RPS6KC1: variants seen among roughly 807,000 people sequenced by gnomAD.
RPS6KC1 encodes ribosomal protein S6 kinase C1, also known as inactive ribosomal protein S6 kinase delta-1.
RPS6KC1 carries 54 observed loss-of-function variants against 103.8 expected under a neutral mutation model. The ratio of observed to expected loss-of-function variants is 0.52; its 90% CI spans 0.42 to 0.65. The LOEUF is 0.65. Ranked by LOEUF, RPS6KC1 falls within the 30% of genes least tolerant of loss-of-function variation. RPS6KC1 has a pLI of 0.00. For missense variants in RPS6KC1, 1,151 were observed against 1,253.8 expected, an observed-to-expected ratio of 0.92 and a Z score of 1.24; for synonymous variants, 439 against 438.7, an observed-to-expected ratio of 1.00 and a Z score of -0.01.
chr1:213,500,692 A>G, the RPS6KC1 span, among the ~76,000 whole-genome samples: 1 of 152,078 alleles, frequency 6.6e-6, no homozygotes, highest in African/African-American at 2.4e-5. Flanking sequence ...GCTCCATCAT[A>G]CTCTTACAGG....
chr1:213,697,461 C>G, the RPS6KC1 span, among the ~76,000 whole-genome samples: 1 of 152,182 alleles, frequency 6.6e-6, no homozygotes, highest in Non-Finnish European at 1.5e-5. Context: ...GAAGAGAGGA[C>G]CAGAGAGGAA....
At chr1:213,174,595 G>C (rs142333682) in intron 7 of RPS6KC1, among the ~76,000 whole-genome samples, 1 of 150,976 alleles carries the variant, frequency 6.6e-6, no homozygotes, top group Admixed American at 6.6e-5. Context: ...GCTTGAACCC[G>C]GGAGGCAGAG....
At chr1:213,615,454 AG>A in the RPS6KC1 span, among the ~76,000 whole-genome samples, 227 of 152,388 alleles carry the variant, frequency 1.5e-3, no homozygotes, top group Middle Eastern at 0.031. Context: ...AGAGGAAGGA[AG>A]GAAGGCTTGA....
At chr1:213,158,844 C>T (rs894596567) in intron 6 of RPS6KC1, among the ~76,000 whole-genome samples, 2 of 151,960 alleles carry the variant, frequency 1.3e-5, no homozygotes, top group Non-Finnish European at 2.9e-5. Flanking sequence ...TGTAGTTCTT[C>T]CTTAATCTTA....
At chr1:213,768,212 C>T in the RPS6KC1 span, among the ~76,000 whole-genome samples, 1 of 152,094 alleles carries the variant, frequency 6.6e-6, no homozygotes, top group East Asian at 1.9e-4. Flanking sequence ...ACTCAGTGTC[C>T]ACCTGGCTTT....
At chr1:213,359,574 T>C in the RPS6KC1 span, among the ~76,000 whole-genome samples, 2 of 152,164 alleles carry the variant, frequency 1.3e-5, no homozygotes, top group African/African-American at 4.8e-5. Context: ...TTAATATTGT[T>C]ATGTGTGAAT....
At chr1:213,377,668 G>A in the RPS6KC1 span, among the ~76,000 whole-genome samples, 1 of 152,130 alleles carries the variant, frequency 6.6e-6, no homozygotes, top group Admixed American at 6.5e-5. Flanking sequence ...TCTCAAGCTG[G>A]AGCTGTATTT....
intron 8 of RPS6KC1, among the ~76,000 whole-genome samples, chr1:213,212,762 G>A (rs1224041671): frequency 1.3e-5 from 2 of 152,232 alleles, no homozygotes; most frequent in Non-Finnish European, 2.9e-5. Flanking sequence ...GTCAGTGTTC[G>A]GGATTTTGGC....
intron 1 of RPS6KC1, among the ~76,000 whole-genome samples, chr1:213,058,059 CTTTTTTTTTTT>C (rs756919339): frequency 2.7e-5 from 3 of 111,948 alleles, no homozygotes; most frequent in African/African-American, 7.9e-5. Context: ...TGCGCCTGAC[CTTTTTTTTTTT>C]TTTTTTTTTT....
At chr1:213,266,599 G>A (rs1318393559) in intron 14 of RPS6KC1, among the ~76,000 whole-genome samples, 2 of 152,070 alleles carry the variant, frequency 1.3e-5, no homozygotes, top group Non-Finnish European at 2.9e-5. Context: ...TCTGAAAGGT[G>A]TTTATGCTTA....
At chr1:213,616,198 C>CA in the RPS6KC1 span, among the ~76,000 whole-genome samples, 1 of 152,226 alleles carries the variant, frequency 6.6e-6, no homozygotes, top group African/African-American at 2.4e-5. Flanking sequence ...GCTATTAGTG[C>CA]ACAGTACATG....
chr1:213,601,282 A>G, the RPS6KC1 span, among the ~76,000 whole-genome samples: 1 of 149,126 alleles, frequency 6.7e-6, no homozygotes, highest in Non-Finnish European at 1.5e-5. Flanking sequence ...ATATATATAT[A>G]TTTCTTATTA....
At chr1:213,737,536 G>A in the RPS6KC1 span, among the ~76,000 whole-genome samples, 3 of 152,152 alleles carry the variant, frequency 2.0e-5, no homozygotes, top group Non-Finnish European at 2.9e-5. Flanking sequence ...TCAATGACAG[G>A]GACTTTCTAG....
the RPS6KC1 span, among the ~76,000 whole-genome samples, chr1:213,397,095 A>G: frequency 6.6e-6 from 1 of 152,216 alleles, no homozygotes; most frequent in Non-Finnish European, 1.5e-5. Context: ...TGCCCAACAC[A>G]TCGAATAAGA....
chr1:213,526,793 A>T, the RPS6KC1 span, among the ~76,000 whole-genome samples: 2 of 152,372 alleles, frequency 1.3e-5, no homozygotes, highest in East Asian at 3.9e-4. Context: ...AAATTGAGGC[A>T]AAACCTTTAT....
chr1:213,673,067 A>G, the RPS6KC1 span, among the ~76,000 whole-genome samples: 1 of 152,202 alleles, frequency 6.6e-6, no homozygotes, highest in East Asian at 1.9e-4. Flanking sequence ...CGCTAAGAAT[A>G]TGTCATAGAC....
At chr1:213,659,960 A>AGGAGTCAG in the RPS6KC1 span, among the ~76,000 whole-genome samples, 4 of 152,202 alleles carry the variant, frequency 2.6e-5, no homozygotes, top group African/African-American at 7.2e-5. Flanking sequence ...CAGGTTGCAA[A>AGGAGTCAG]GGAGTCAGGG....
Position 213,051,373 on chromosome 1 carries a change from C to T in RPS6KC1, c.-32C>T. ...GCCGGGTTTCCCTCATGATCCCGGG[C>T]GGGTGGCGGCGGCGGCAGAGGCGGC... On this transcript the variant is annotated 5_prime_UTR_variant, in exon 1 of 15. Transcript: ENST00000366960. 2 of 1,531,564 alleles carry T rather than the reference C, an allele frequency of 1.3e-6. No individual in the cohort carries two copies. The highest frequency in any genetic ancestry group is 1.9e-4 in the Middle Eastern group (1 of 5,292). 94.9% of individuals were successfully genotyped at this position (1,531,564 alleles called of 1,614,324 possible).
chr1:213,196,828 C>T (rs2092965197), intron 8 of RPS6KC1, among the ~76,000 whole-genome samples: 1 of 151,786 alleles, frequency 6.6e-6, no homozygotes, highest in Admixed American at 6.6e-5. Flanking sequence ...CATTGGTCTA[C>T]ATGCCTTTTT....
Sources: gnomAD v4.1 joint callset for allele counts (sites outside exome capture counted in the v4.1 genomes callset) on GRCh38, gnomAD v4.1.1 for gene constraint, MANE v1.5 for transcripts, NCBI Gene and HGNC (gene_info 2026-07-23, HGNC 2026-07-21) for gene names.